ALK: variants seen among roughly 807,000 people sequenced by gnomAD.
ALK encodes the protein ALK receptor tyrosine kinase, also known as ALK tyrosine kinase receptor.
ALK carries 74 observed loss-of-function variants against 163.1 expected under a neutral mutation model. That is an observed-to-expected ratio of 0.45 (90% confidence interval 0.38 to 0.55). The LOEUF (loss-of-function observed/expected upper bound fraction) is 0.55. ALK is among the 20% of genes least tolerant of loss of function. The pLI, the probability that ALK is intolerant of heterozygous loss-of-function variation, is 0.00. For synonymous variants in ALK, 960 were observed against 843.2 expected, an observed-to-expected ratio of 1.14 and a Z score of -2.40; for missense variants, 2,063 against 2,105.3, an observed-to-expected ratio of 0.98 and a Z score of 0.39.
chr2:29,694,105 C>T (rs1037226910), intron 3 of ALK, among the ~76,000 whole-genome samples: 1 of 152,144 alleles, frequency 6.6e-6, no homozygotes, highest in Non-Finnish European at 1.5e-5. Context: ...CAAGATTTGG[C>T]TTGGTGAGAC....
intron 5 of ALK, among the ~76,000 whole-genome samples, chr2:29,379,618 G>A (rs1374156863): frequency 6.6e-6 from 1 of 152,148 alleles, no homozygotes; most frequent in Non-Finnish European, 1.5e-5. Flanking sequence ...AAATGAGTAA[G>A]GTGGTCCAGT....
At chr2:29,586,226 G>T (rs999369546) in intron 3 of ALK, among the ~76,000 whole-genome samples, 4 of 144,744 alleles carry the variant, frequency 2.8e-5, no homozygotes, top group East Asian at 2.1e-4. Context: ...CCATTTTTTT[G>T]GGGGGGATAT....
chr2:29,315,129 CA>C (rs1666797233), intron 8 of ALK, among the ~76,000 whole-genome samples: 1 of 152,056 alleles, frequency 6.6e-6, no homozygotes, highest in African/African-American at 2.4e-5. Context: ...AAAAGAAAAC[CA>C]AAACCACAGC....
chr2:29,870,894 T>G (rs1014824426), intron 1 of ALK, among the ~76,000 whole-genome samples: 5 of 152,136 alleles, frequency 3.3e-5, no homozygotes, highest in Non-Finnish European at 7.4e-5. Flanking sequence ...AACAATTAAG[T>G]GTTTTAGGTC....
chr2:29,505,205 G>T (rs982928591), intron 4 of ALK, among the ~76,000 whole-genome samples: 2 of 152,190 alleles, frequency 1.3e-5, no homozygotes, highest in African/African-American at 4.8e-5. Flanking sequence ...TGAGAAGGCT[G>T]TGAATTCTCT....
intron 1 of ALK, among the ~76,000 whole-genome samples, chr2:29,773,910 C>A (rs780822113): frequency 6.6e-5 from 10 of 152,130 alleles, no homozygotes; most frequent in Non-Finnish European, 1.2e-4. Flanking sequence ...TGGGATGGTG[C>A]CAGATTTATC....
At chr2:29,672,592 T>A in intron 3 of ALK, among the ~76,000 whole-genome samples, 1 of 151,314 alleles carries the variant, frequency 6.6e-6, no homozygotes, top group East Asian at 1.9e-4. Context: ...GACATTTGGC[T>A]TGGTTCCAAG....
At chr2:29,825,920 T>A (rs1490786765) in intron 1 of ALK, among the ~76,000 whole-genome samples, 1 of 152,164 alleles carries the variant, frequency 6.6e-6, no homozygotes, top group Non-Finnish European at 1.5e-5. Context: ...TGGTAGGGGT[T>A]AGAACAGAGT....
chr2:29,905,702 G>A (rs1667527510), intron 1 of ALK, among the ~76,000 whole-genome samples: 1 of 152,052 alleles, frequency 6.6e-6, no homozygotes, highest in Non-Finnish European at 1.5e-5. Flanking sequence ...CCACAGTGAA[G>A]CATTCTATTT....
chr2:29,767,446 A>G (rs1234683876), intron 1 of ALK, among the ~76,000 whole-genome samples: 1 of 152,068 alleles, frequency 6.6e-6, no homozygotes, highest in African/African-American at 2.4e-5. Context: ...GTCCCAGGAA[A>G]CCCATCAGTC....
chr2:29,267,677 A>G (rs962849754), intron 11 of ALK, among the ~76,000 whole-genome samples: 17 of 152,264 alleles, frequency 1.1e-4, no homozygotes, highest in Admixed American at 8.5e-4. Flanking sequence ...AAGAGTTAGC[A>G]TTTTAACCTT....
chr2:29,697,651 T>C (rs1425393977), intron 2 of ALK, among the ~76,000 whole-genome samples: 1 of 152,180 alleles, frequency 6.6e-6, no homozygotes, highest in Non-Finnish European at 1.5e-5. Flanking sequence ...TGGGATAATG[T>C]GATAGATATT....
intron 1 of ALK, among the ~76,000 whole-genome samples, chr2:29,825,960 G>A (rs377184002): frequency 2.6e-5 from 4 of 152,306 alleles, no homozygotes; most frequent in South Asian, 4.1e-4. Context: ...AGAGGCTCTG[G>A]TAGCATGACT....
intron 3 of ALK, among the ~76,000 whole-genome samples, chr2:29,628,769 G>T (rs953110769): frequency 6.6e-6 from 1 of 152,130 alleles, no homozygotes; most frequent in Non-Finnish European, 1.5e-5. Context: ...CAATGCAAAT[G>T]ACTTTTAAAC....
intron 3 of ALK, among the ~76,000 whole-genome samples, chr2:29,672,767 G>A (rs1379604375): frequency 6.6e-6 from 1 of 150,600 alleles, no homozygotes; most frequent in African/African-American, 2.4e-5. Flanking sequence ...CTTCCACAAG[G>A]GTTGAACTAG....
At chr2:29,914,485 C>T (rs777036512) in intron 1 of ALK, among the ~76,000 whole-genome samples, 1 of 152,184 alleles carries the variant, frequency 6.6e-6, no homozygotes, top group Non-Finnish European at 1.5e-5. Context: ...TGCTGGAGTG[C>T]AGCTGTTGCT....
At chr2:29,739,509 G>C (rs956397634) in intron 1 of ALK, among the ~76,000 whole-genome samples, 1 of 149,610 alleles carries the variant, frequency 6.7e-6, no homozygotes, top group East Asian at 2.0e-4. Flanking sequence ...AGTGAGCCGA[G>C]ATTGCGCCAC....
intron 12 of ALK, among the ~76,000 whole-genome samples, chr2:29,248,801 A>T (rs1664749426): frequency 6.6e-6 from 1 of 152,266 alleles, no homozygotes. Context: ...TGAATTAATT[A>T]TTATTTAATA....
At chr2:29,666,882 T>C (rs1259900534) in intron 3 of ALK, among the ~76,000 whole-genome samples, 1 of 151,984 alleles carries the variant, frequency 6.6e-6, no homozygotes, top group Non-Finnish European at 1.5e-5. Flanking sequence ...ACCAATCTAC[T>C]CTCTATCTTC....
Sources: allele counts gnomAD v4.1 joint callset (sites outside exome capture counted in the v4.1 genomes callset), GRCh38; gene constraint gnomAD v4.1.1; transcripts MANE v1.5; gene names NCBI Gene and HGNC (gene_info 2026-07-23, HGNC 2026-07-21).